Variants in PDE6B observed in about 807,000 individuals in gnomAD.
PDE6B encodes rod cGMP-specific 3',5'-cyclic phosphodiesterase subunit beta.
A neutral mutation model predicts 109.0 loss-of-function variants in PDE6B; 106 were observed. The observed-to-expected ratio is 0.97, with a 90% confidence interval of 0.83 to 1.14. The LOEUF (loss-of-function observed/expected upper bound fraction) is 1.14, where lower values mean the gene tolerates loss of function less well. Ranked by LOEUF, PDE6B falls within the 50% of genes most tolerant of loss-of-function variation. The probability of loss-of-function intolerance (pLI) is 0.00; values close to 1 mark genes in which losing one functional copy is unlikely to be tolerated. For synonymous variants in PDE6B, 490 were observed against 471.3 expected, an observed-to-expected ratio of 1.04 and a Z score of -0.51; for missense variants, 1,193 against 1,155.6, an observed-to-expected ratio of 1.03 and a Z score of -0.47.
chr4:642,230 G>C (rs1734978571), intron 3 of PDE6B, among the ~76,000 whole-genome samples: 2 of 151,954 alleles, frequency 1.3e-5, no homozygotes, highest in Non-Finnish European at 2.9e-5. Context: ...CCAGCACTTT[G>C]GGAGGCCAAG....
intron 3 of PDE6B, among the ~76,000 whole-genome samples, chr4:637,523 G>A (rs1734749015): frequency 6.6e-6 from 1 of 152,200 alleles, no homozygotes; most frequent in South Asian, 2.1e-4. Flanking sequence ...ACCGAGCCTG[G>A]CTTGGTTTTG....
intron 3 of PDE6B, among the ~76,000 whole-genome samples, chr4:643,748 CT>C (rs778361391): frequency 1.3e-5 from 2 of 149,844 alleles, no homozygotes; most frequent in Non-Finnish European, 2.9e-5. Flanking sequence ...TTGCTTTAGG[CT>C]TAATTTGAAG....
chr4:664,012 G>A, intron 16 of PDE6B, 102 bp from the exon 17 acceptor site: 1 of 1,147,830 alleles, frequency 8.7e-7, no homozygotes, highest in Non-Finnish European at 1.3e-6. Flanking sequence ...GCGCACCCCG[G>A]ATGGGGCCTC....
chr4:631,605 G>A (rs1306398482), intron 1 of PDE6B, among the ~76,000 whole-genome samples: 1 of 151,526 alleles, frequency 6.6e-6, no homozygotes, highest in Non-Finnish European at 1.5e-5. Flanking sequence ...CCATCTGAGG[G>A]TCACATTGTA....
In PDE6B at chr4:663,829, G is replaced by A. The variant is rs1737438562; in HGVS notation, c.1980G>A (p.Met660Ile). 2 of 1,612,520 alleles carry A rather than the reference G, an allele frequency of 1.2e-6. No individual in the cohort carries two copies. The highest frequency in any genetic ancestry group is 2.2e-5 in the East Asian group (1 of 44,848). ...RRQHEHVIHL[M>I]DIAIIATDLA... is the part of the protein sequence containing the mutation. The stretch of plus-strand genomic sequence containing the variant: ...AGCACGAGCACGTGATCCACCTGAT[G>A]GACATCGCCATCATCGCCACGGACC... The change falls in exon 16 of 22, where the codon ATG (methionine) becomes ATA (isoleucine). Residue 660 changes from methionine to isoleucine, a missense_variant. By Grantham distance (10) the Met-to-Ile change is conservative (BLOSUM62 1). Transcript: ENST00000496514. The surrounding 1 kb of genome is among the most constrained non-coding windows in gnomAD (Gnocchi z 4.0).
In PDE6B at chr4:667,973, A is replaced by AAGG. The variant is rs777568669; in HGVS notation, c.2482_2484dup (p.Glu828dup). ...GGCCAAAGTGAAGGCTCTGGAGGAG[A>AAGG]AGGAGGAGGAGGAGAGGGTGGCAGC... On this transcript the variant is annotated inframe_insertion, in exon 21 of 22. Transcript: ENST00000496514. 2 of 1,612,524 alleles carry AAGG rather than the reference A, an allele frequency of 1.2e-6. No individual in the cohort carries two copies. Among genetic ancestry groups the AAGG allele is most frequent in the Non-Finnish European group, 1.7e-6 (2 of 1,179,370 alleles).
chr4:645,878 GT>G (rs1370374087), intron 3 of PDE6B, among the ~76,000 whole-genome samples: 1 of 151,976 alleles, frequency 6.6e-6, no homozygotes, highest in African/African-American at 2.4e-5. Flanking sequence ...TTCACTTAGA[GT>G]GTGGCTATCT....
Position 662,638 on chromosome 4 carries a change from C to T in PDE6B, c.1832+20C>T. The T allele has an allele frequency of 7.7e-6, 11 of 1,422,744 alleles. No individual in the cohort carries two copies. Among genetic ancestry groups the T allele is most frequent in the Non-Finnish European group, 1.1e-5 (11 of 1,005,944 alleles). 88.1% of individuals were successfully genotyped at this position (1,422,744 alleles called of 1,614,324 possible). A position where few individuals can be genotyped will look rare whatever the true frequency, so the allele number is the denominator to read the frequency against. On this transcript the variant is annotated intron_variant, in intron 14 of 21. Transcript: ENST00000496514. The surrounding 1 kb of genome is among the most constrained non-coding windows in gnomAD (Gnocchi z 4.3). ...GATGAAGTAGGCACCTCAGGGCGGG[C>T]ATGTGAATTAGCCCTAAATCAACTC...
Position 629,897 on chromosome 4 carries a change from G to T in PDE6B, c.468+3803G>T, listed in dbSNP as rs117381967. On this transcript the variant is annotated intron_variant, in intron 1 of 21. Transcript: ENST00000496514. ...GTGAGCACACACAGCCCCCAGGCCT[G>T]CTAGAGGCAGAGCAAATGCAGGGGG... is the stretch of plus-strand genomic sequence containing the variant. 1.3e-3 allele frequency among the ~76,000 whole-genome samples: 196 copies of T among 152,284 alleles called. 5 individuals are homozygous for T. The East Asian group carries it at 0.029, about 23-fold the overall frequency.
rs149293844 is a variant in PDE6B at position 634,823 on chromosome 4, C to A, written c.615C>A (p.Asp205Glu). The A allele has an allele frequency of 4.3e-6, 7 of 1,613,676 alleles. No homozygotes were observed. Among genetic ancestry groups the A allele is most frequent in the Non-Finnish European group, 5.9e-6 (7 of 1,179,680 alleles). The stretch of plus-strand genomic sequence containing the variant: ...ACGGCCCATTCTTCACCAGCGAAGA[C>A]GAAGATGTGAGTGTGGGGGGCACCT... ...KLNGPFFTSE[D>E]EDVFLKYLNF... is the part of the protein sequence containing the mutation. The change falls in exon 2 of 22, where the codon GAC (aspartate) becomes GAA (glutamate). Residue 205 changes from aspartate to glutamate, a missense_variant. By Grantham distance (45) the Asp-to-Glu change is conservative. Transcript: ENST00000496514.
rs1021788150 is a variant in PDE6B, at chr4:653,673, T to G, written c.712-179T>G. The G allele has an allele frequency of 1.5e-5, 11 of 730,504 alleles. No individual in the cohort carries two copies. The African/African-American group carries it at 1.9e-4, about 13-fold the overall frequency. The allele number at this position is 730,504 out of a possible 1,614,324, so 45.3% of individuals were successfully genotyped here. A position where few individuals can be genotyped will look rare whatever the true frequency, so the allele number is the denominator to read the frequency against. On this transcript the variant is annotated intron_variant, in intron 3 of 21. Transcript: ENST00000496514. ...CAGCCAGCTCCCGGGCCCCACAAGC[T>G]CAGATGAAACCTGGCCACGGAGCCA... is the stretch of plus-strand genomic sequence containing the variant.
In PDE6B at chr4:657,502, G is replaced by C. The variant is rs531652183; in HGVS notation, c.1401+8G>C. Reference sequence around the variant, plus strand: ...GAGATCCAGCTCATCCTGGTGCGGCGGGGCAGGACGTCCAGGGGTCACCCA... The same window carrying C: ...GAGATCCAGCTCATCCTGGTGCGGCCGGGCAGGACGTCCAGGGGTCACCCA... On this transcript the variant is annotated splice_region_variant and intron_variant, in intron 10 of 21. Coordinates refer to ENST00000496514, the MANE Select transcript of PDE6B (RefSeq NM_000283.4). 2 of 1,462,182 alleles carry C rather than the reference G, an allele frequency of 1.4e-6. No homozygotes were observed. The highest frequency in any genetic ancestry group is 1.9e-6 in the Non-Finnish European group (2 of 1,046,966). 90.6% of individuals were successfully genotyped at this position (1,462,182 alleles called of 1,614,324 possible).
Position 670,192 on chromosome 4 carries a change from G to C in PDE6B, c.*85G>C. On this transcript the variant is annotated 3_prime_UTR_variant, in exon 22 of 22. Coordinates refer to ENST00000496514, the MANE Select transcript of PDE6B (RefSeq NM_000283.4). ...CTGCCTGTGGCTATTTGCTACAAGA[G>C]GTTAGGAAGCCCAAGAAAATGACTG... 6.2e-7 allele frequency: 1 copy of C among 1,604,292 alleles called. No homozygotes were observed. The highest frequency in any genetic ancestry group is 8.5e-7 in the Non-Finnish European group (1 of 1,174,316).
Position 648,437 on chromosome 4 carries a change from G to A in PDE6B, c.712-5415G>A, listed in dbSNP as rs551922077. Among the ~76,000 whole-genome samples the A allele has an allele frequency of 4.8e-4, 73 of 150,578 alleles. No homozygotes were observed. Among genetic ancestry groups the A allele is most frequent in the South Asian group, 2.7e-3 (13 of 4,784 alleles). ...GAGCAAAGATTGGCCCCCGCAGTCC[G>A]CCCAACGCCTGCACTTCGTCTGCCT... On this transcript the variant is annotated intron_variant, in intron 3 of 21. Coordinates refer to ENST00000496514, the MANE Select transcript of PDE6B (RefSeq NM_000283.4). The surrounding 1 kb of genome is among the most constrained non-coding windows in gnomAD (Gnocchi z 4.5).
rs372750545 is a variant in PDE6B, at chr4:636,102, A to G, written c.711+133A>G. The G allele has an allele frequency of 1.8e-5, 12 of 669,786 alleles. No homozygotes were observed. Among genetic ancestry groups the G allele is most frequent in the East Asian group, 1.6e-4 (6 of 37,274 alleles). The allele number at this position is 669,786 out of a possible 1,614,324, so 41.5% of individuals were successfully genotyped here. A position where few individuals can be genotyped will look rare whatever the true frequency, so the allele number is the denominator to read the frequency against. Reference sequence around the variant, plus strand: ...GTAGGTCCTGGGGTGGGCATTGCTCAGGGGAGAGGAGGGCTCCATGGCTTC... The same window carrying G: ...GTAGGTCCTGGGGTGGGCATTGCTCGGGGGAGAGGAGGGCTCCATGGCTTC... On this transcript the variant is annotated intron_variant, in intron 3 of 21. Transcript: ENST00000496514. The surrounding 1 kb of genome is among the most constrained non-coding windows in gnomAD (Gnocchi z 4.5).
rs1737686478 is a variant in PDE6B, at chr4:665,432, C to G, written c.2268+103C>G. 1 of 794,976 alleles carries G rather than the reference C, an allele frequency of 1.3e-6. No homozygotes were observed. Among genetic ancestry groups the G allele is most frequent in the Non-Finnish European group, 2.2e-6 (1 of 452,400 alleles). The allele number at this position is 794,976 out of a possible 1,614,324, so 49.2% of individuals were successfully genotyped here. A position where few individuals can be genotyped will look rare whatever the true frequency, so the allele number is the denominator to read the frequency against. Reference sequence around the variant, plus strand: ...CTGGCTTGGTCTCAGGCAGGGGGTTCTGAGGTCGTGGGGTCCTTATCTCAC... The same window carrying G: ...CTGGCTTGGTCTCAGGCAGGGGGTTGTGAGGTCGTGGGGTCCTTATCTCAC... On this transcript the variant is annotated intron_variant, in intron 19 of 21. Coordinates refer to ENST00000496514, the MANE Select transcript of PDE6B (RefSeq NM_000283.4). The surrounding 1 kb of genome is among the most constrained non-coding windows in gnomAD (Gnocchi z 4.0).
At position 667,807 on chromosome 4, in the gene PDE6B, G is replaced by A. The variant is rs745768749; in HGVS notation, c.2353-49G>A. 1.1e-5 allele frequency: 17 copies of A among 1,593,644 alleles called. No homozygotes were observed. The South Asian group carries it at 1.4e-4, about 14-fold the overall frequency. ...GCTGGGGAAGGGCTATCTTACTCTG[G>A]AGAGAGCAGGCAGGACAGGACTGGT... On this transcript the variant is annotated intron_variant, in intron 20 of 21. Transcript: ENST00000496514.
At position 658,984 on chromosome 4, in the gene PDE6B, T is replaced by C. The variant is rs1560127440; in HGVS notation, c.1434T>C (p.Ala478=). 2 of 1,613,650 alleles carry C rather than the reference T, an allele frequency of 1.2e-6. No individual in the cohort carries two copies. Among genetic ancestry groups the C allele is most frequent in the Non-Finnish European group, 1.7e-6 (2 of 1,179,838 alleles). The stretch of plus-strand genomic sequence containing the variant: ...GAGCGCGCCTGGGGAAGGAGCCTGC[T>C]GACTGCGATGAGGACGAGCTGGGCG... The part of the protein sequence containing the change: ...PTRARLGKEP[A]DCDEDELGEI... Residue 478 remains alanine (A), a synonymous_variant, in exon 11 of 22, where the codon GCT becomes GCC. Transcript: ENST00000496514.
intron 1 of PDE6B, among the ~76,000 whole-genome samples, chr4:628,781 C>A (rs984981358): frequency 6.6e-6 from 1 of 152,234 alleles, no homozygotes; most frequent in African/African-American, 2.4e-5. Flanking sequence ...CAGGCGGTGC[C>A]AGGCCACGTG....
Sources: allele counts gnomAD v4.1 joint callset (sites outside exome capture counted in the v4.1 genomes callset), GRCh38; gene constraint gnomAD v4.1.1; non-coding constraint Gnocchi (gnomAD v3.1); transcripts MANE v1.5; gene names NCBI Gene and HGNC (gene_info 2026-07-23, HGNC 2026-07-21).